Variants in FGF12 observed in about 807,000 individuals in gnomAD.
FGF12 encodes the protein fibroblast growth factor 12B.
In FGF12, 14 loss-of-function variants were observed where a neutral mutation model predicts 23.6. The ratio of observed to expected loss-of-function variants is 0.59; its 90% CI spans 0.39 to 0.93. The LOEUF is 0.93. Ranked by LOEUF, FGF12 falls within the 40% of genes least tolerant of loss-of-function variation. The probability of loss-of-function intolerance (pLI) is 0.00; values close to 1 mark genes in which losing one functional copy is unlikely to be tolerated. For missense variants in FGF12, 175 were observed against 217.8 expected, an observed-to-expected ratio of 0.80 and a Z score of 1.24; for synonymous variants, 62 against 77.3, an observed-to-expected ratio of 0.80 and a Z score of 1.04.
chr3:192,519,332 C>A (rs376555892), intron 2 of FGF12, among the ~76,000 whole-genome samples: 1 of 152,116 alleles, frequency 6.6e-6, no homozygotes, highest in South Asian at 2.1e-4. Context: ...AAATATTTTG[C>A]GGAATGTCTT....
chr3:192,677,913 T>G (rs1440703289), intron 2 of FGF12, among the ~76,000 whole-genome samples: 1 of 152,238 alleles, frequency 6.6e-6, no homozygotes, highest in Non-Finnish European at 1.5e-5. Flanking sequence ...GATTAAGTCC[T>G]GGCACTATAT....
chr3:192,427,560 G>A (rs149480417), intron 2 of FGF12, among the ~76,000 whole-genome samples: 488 of 152,242 alleles, frequency 3.2e-3, no homozygotes, highest in African/African-American at 0.011. Flanking sequence ...ACAATCTGAC[G>A]TTAATTCTAA....
At chr3:192,252,121 T>G (rs1712053520) in intron 4 of FGF12, among the ~76,000 whole-genome samples, 1 of 152,128 alleles carries the variant, frequency 6.6e-6, no homozygotes, top group African/African-American at 2.4e-5. Flanking sequence ...GAGACCTGTC[T>G]GACTAAATTT....
chr3:192,297,771 C>G (rs962086307), intron 4 of FGF12, among the ~76,000 whole-genome samples: 17 of 152,152 alleles, frequency 1.1e-4, no homozygotes, highest in Admixed American at 1.0e-3. Flanking sequence ...AATAGAATCT[C>G]TAACATCCCC....
Position 192,693,671 on chromosome 3 carries a change from T to C in FGF12, c.13+33510A>G, listed in dbSNP as rs142294292. Among the ~76,000 whole-genome samples the C allele has an allele frequency of 3.9e-3, 594 of 152,246 alleles. 1 individual carries two copies. Among genetic ancestry groups the C allele is most frequent in the Non-Finnish European group, 6.2e-3 (424 of 67,990 alleles). On this transcript the variant is annotated intron_variant, in intron 2 of 5. Coordinates refer to ENST00000445105, the MANE Select transcript of FGF12 (RefSeq NM_004113.6). ...AATGAAGAAAGGAGAGTCTCTTCAA[T>C]AAATGATGTTGGGAAATCTATATAT...
intron 2 of FGF12, among the ~76,000 whole-genome samples, chr3:192,581,403 C>G (rs1713131658): frequency 6.7e-6 from 1 of 148,962 alleles, no homozygotes; most frequent in East Asian, 2.0e-4. Flanking sequence ...CCTCACCTCT[C>G]TAAAATATAT....
chr3:192,277,259 T>G (rs1376721920), intron 4 of FGF12, among the ~76,000 whole-genome samples: 26 of 152,180 alleles, frequency 1.7e-4, no homozygotes, highest in African/African-American at 6.0e-4. Context: ...TATCTCAAGT[T>G]TATTCAGATT....
rs188399893 is a variant in FGF12 at position 192,689,808 on chromosome 3, A to T, written c.13+37373T>A. Among the ~76,000 whole-genome samples, 194 of 152,168 alleles carry T rather than the reference A, an allele frequency of 1.3e-3. 3 individuals carry two copies. Among genetic ancestry groups the T allele is most frequent in the Admixed American group, 0.011 (170 of 15,288 alleles). On this transcript the variant is annotated intron_variant, in intron 2 of 5. Transcript: ENST00000445105. ...AAGAAATGAACATGCAGGTACATGA[A>T]GCTCAAAGGAATTCAACCAAATTCA...
intron 4 of FGF12, among the ~76,000 whole-genome samples, chr3:192,202,890 C>T (rs1463567598): frequency 1.3e-5 from 2 of 152,132 alleles, no homozygotes; most frequent in Non-Finnish European, 2.9e-5. Flanking sequence ...AGGTTAAGAA[C>T]TTGTGATTAT....
At chr3:192,279,640 C>T (rs1054072081) in intron 4 of FGF12, among the ~76,000 whole-genome samples, 6 of 152,104 alleles carry the variant, frequency 3.9e-5, no homozygotes, top group Admixed American at 3.3e-4. Context: ...AGCGTCTACA[C>T]CAGAAATCCT....
intron 2 of FGF12, among the ~76,000 whole-genome samples, chr3:192,688,226 C>T (rs1717825752): frequency 1.3e-5 from 2 of 152,034 alleles, no homozygotes; most frequent in Admixed American, 1.3e-4. Context: ...CATGGACCCC[C>T]AGCTTTCTGA....
chr3:192,276,738 G>T (rs1040937323), intron 4 of FGF12, among the ~76,000 whole-genome samples: 19 of 151,932 alleles, frequency 1.3e-4, no homozygotes, highest in African/African-American at 4.1e-4. Flanking sequence ...ACTCTAACTT[G>T]CCCCCTCTAC....
chr3:192,424,306 C>T (rs1721626181), intron 2 of FGF12, among the ~76,000 whole-genome samples: 1 of 152,070 alleles, frequency 6.6e-6, no homozygotes, highest in South Asian at 2.1e-4. Context: ...CATCAAAATA[C>T]AGAATTATTT....
At chr3:192,673,832 T>C (rs756634878) in intron 2 of FGF12, among the ~76,000 whole-genome samples, 1 of 151,176 alleles carries the variant, frequency 6.6e-6, no homozygotes, top group Admixed American at 6.6e-5. Flanking sequence ...TTATTGTGAA[T>C]AGTGCTGCAT....
At chr3:192,565,228 A>C (rs1241014979) in intron 2 of FGF12, among the ~76,000 whole-genome samples, 1 of 152,258 alleles carries the variant, frequency 6.6e-6, no homozygotes, top group Admixed American at 6.5e-5. Flanking sequence ...ATATGTTTAA[A>C]AATCTTATCA....
At chr3:192,670,495 G>A (rs1422987806) in intron 2 of FGF12, among the ~76,000 whole-genome samples, 2 of 152,024 alleles carry the variant, frequency 1.3e-5, no homozygotes, top group East Asian at 3.9e-4. Flanking sequence ...AACAACAATA[G>A]TATTTTTGAA....
chr3:192,644,081 G>A (rs1205140395), intron 2 of FGF12, among the ~76,000 whole-genome samples: 1 of 152,114 alleles, frequency 6.6e-6, no homozygotes, highest in African/African-American at 2.4e-5. Flanking sequence ...TTAAGACTCG[G>A]GTCTTCTGGC....
chr3:192,563,212 A>G (rs1434741713), intron 2 of FGF12, among the ~76,000 whole-genome samples: 1 of 152,238 alleles, frequency 6.6e-6, no homozygotes, highest in Non-Finnish European at 1.5e-5. Context: ...GATTAATGGA[A>G]TATTATTAAA....
chr3:192,576,867 T>C (rs1041681588), intron 2 of FGF12, among the ~76,000 whole-genome samples: 2 of 152,114 alleles, frequency 1.3e-5, no homozygotes, highest in Admixed American at 6.5e-5. Context: ...CATGGAATAC[T>C]ATGCAGCCAT....
Sources: allele counts gnomAD v4.1 joint callset (sites outside exome capture counted in the v4.1 genomes callset), GRCh38; gene constraint gnomAD v4.1.1; transcripts MANE v1.5; gene names NCBI Gene and HGNC (gene_info 2026-07-23, HGNC 2026-07-21).